The following HDAC4 variants were observed in gnomAD, a reference collection of about 807,000 sequenced individuals.
HDAC4 encodes the protein histone deacetylase A.
Under a neutral mutation model 135.1 loss-of-function variants are expected in HDAC4, and 16 were observed. The observed-to-expected ratio is 0.12, with a 90% CI of 0.08 to 0.18. The LOEUF is 0.18. Ranked by LOEUF, HDAC4 falls within the 10% of genes least tolerant of loss-of-function variation. The pLI is 1.00. For missense variants in HDAC4, 1,143 were observed against 1,511.8 expected, an observed-to-expected ratio of 0.76 and a Z score of 4.05; for synonymous variants, 685 against 653.4, an observed-to-expected ratio of 1.05 and a Z score of -0.74.
In HDAC4 at chr2:239,115,323, G is replaced by A. The variant is rs750011651; in HGVS notation, c.1534-13C>T. 2 of 1,613,034 alleles carry A rather than the reference G, an allele frequency of 1.2e-6. No homozygotes were observed. Among genetic ancestry groups the A allele is most frequent in the South Asian group, 1.1e-5 (1 of 91,064 alleles). On this transcript the variant is annotated splice_polypyrimidine_tract_variant and intron_variant, in intron 12 of 26. Transcript: ENST00000543185. The surrounding 1 kb of genome is among the most constrained non-coding windows in gnomAD (Gnocchi z 6.3). ...GCTTGGGGATGATCTGCAAGGCGGA[G>A]GTAACACATGAAGCACAGAGAGCTG... is the stretch of plus-strand genomic sequence containing the variant.
chr2:239,329,954 G>A (rs548281792), intron 2 of HDAC4, among the ~76,000 whole-genome samples: 1 of 152,256 alleles, frequency 6.6e-6, no homozygotes, highest in African/African-American at 2.4e-5. Context: ...CAGGAATGGG[G>A]GAGCAAGGAG....
intron 2 of HDAC4, among the ~76,000 whole-genome samples, chr2:239,338,970 A>G (rs1692118938): frequency 6.6e-6 from 1 of 152,252 alleles, no homozygotes; most frequent in Non-Finnish European, 1.5e-5. Flanking sequence ...CTTGAAAGGT[A>G]TCCAAAGAAA....
intron 2 of HDAC4, among the ~76,000 whole-genome samples, chr2:239,269,894 G>A (rs369976692): frequency 9.2e-5 from 14 of 152,306 alleles, no homozygotes; most frequent in South Asian, 4.1e-4. Flanking sequence ...AGGCTGGCTC[G>A]GATCTCATCC....
intron 2 of HDAC4, among the ~76,000 whole-genome samples, chr2:239,259,284 AC>A (rs1454205397): frequency 6.6e-6 from 1 of 152,144 alleles, no homozygotes; most frequent in Non-Finnish European, 1.5e-5. Flanking sequence ...CCCTGTCTCT[AC>A]CAAGAATACA....
chr2:239,271,884 A>C (rs1297454379), intron 2 of HDAC4, among the ~76,000 whole-genome samples: 1 of 152,198 alleles, frequency 6.6e-6, no homozygotes, highest in African/African-American at 2.4e-5. Flanking sequence ...CGAGTGGGGG[A>C]AAAGCCACTA....
intron 22 of HDAC4, among the ~76,000 whole-genome samples, chr2:239,080,760 C>A (rs1221155752): frequency 1.3e-5 from 2 of 152,208 alleles, no homozygotes; most frequent in Non-Finnish European, 2.9e-5. Context: ...GATCATGAGA[C>A]CCTGCAGGTC....
intron 16 of HDAC4, among the ~76,000 whole-genome samples, chr2:239,096,231 G>C (rs1008240395): frequency 5.9e-5 from 9 of 152,080 alleles, no homozygotes; most frequent in Non-Finnish European, 1.2e-4. Context: ...GTGCCTGGCT[G>C]GGAAGAGCAA....
chr2:239,259,025 T>C (rs757915080), intron 2 of HDAC4, among the ~76,000 whole-genome samples: 1 of 152,236 alleles, frequency 6.6e-6, no homozygotes, highest in Non-Finnish European at 1.5e-5. Context: ...GGCATAGCAA[T>C]ATTAACGTCA....
At chr2:239,327,052 A>T (rs1164291522) in intron 2 of HDAC4, among the ~76,000 whole-genome samples, 3 of 152,342 alleles carry the variant, frequency 2.0e-5, no homozygotes, top group Admixed American at 6.5e-5. Context: ...CTGGAAAAAA[A>T]CCCTGACTAG....
rs1382868732 is a variant in HDAC4, at chr2:239,050,921, G to A, written c.*2176C>T. The A allele has an allele frequency of 1.3e-5, 2 of 152,640 alleles. No homozygotes were observed. The highest frequency in any genetic ancestry group is 2.9e-5 in the Non-Finnish European group (2 of 68,042). 9.5% of individuals were successfully genotyped at this position (152,640 alleles called of 1,614,324 possible). Reference sequence around the variant, plus strand: ...AACAAGGGTCCCTGGGTTCCTTGCAGCCACAGGCTCCAAAATCCAGGGCTG... The same window carrying A: ...AACAAGGGTCCCTGGGTTCCTTGCAACCACAGGCTCCAAAATCCAGGGCTG... On this transcript the variant is annotated 3_prime_UTR_variant, in exon 27 of 27. Coordinates refer to ENST00000543185, the MANE Select transcript of HDAC4 (RefSeq NM_001378414.1).
At chr2:239,382,981 C>T (rs528428059) in intron 1 of HDAC4, among the ~76,000 whole-genome samples, 7 of 152,242 alleles carry the variant, frequency 4.6e-5, no homozygotes, top group African/African-American at 1.2e-4. Context: ...CCACCCACCT[C>T]GGCCTCCCAA....
chr2:239,292,033 G>GGCCCAGCTCA (rs1246041429), intron 2 of HDAC4, among the ~76,000 whole-genome samples: 196 of 151,200 alleles, frequency 1.3e-3, no homozygotes, highest in African/African-American at 4.3e-3. Context: ...GGCCCAGCTC[G>GGCCCAGCTCA]GCCCAGCTCA....
At chr2:239,159,481 CCCA>C (rs1305194064) in intron 6 of HDAC4, among the ~76,000 whole-genome samples, 1 of 148,686 alleles carries the variant, frequency 6.7e-6, no homozygotes, top group Non-Finnish European at 1.5e-5. Context: ...ACACGCACAC[CCCA>C]CCCACACCCC....
intron 24 of HDAC4, among the ~76,000 whole-genome samples, chr2:239,061,167 G>T (rs148022340): frequency 6.6e-6 from 1 of 152,190 alleles, no homozygotes; most frequent in Non-Finnish European, 1.5e-5. Context: ...AAGCATTCAT[G>T]TGTATGAATG....
At chr2:239,149,042 G>A (rs756364452) in intron 7 of HDAC4, among the ~76,000 whole-genome samples, 2 of 152,198 alleles carry the variant, frequency 1.3e-5, no homozygotes, top group Non-Finnish European at 1.5e-5. Flanking sequence ...AGGGACGGCC[G>A]TTCTCCTATC....
At chr2:239,257,265 A>C (rs972154852) in intron 2 of HDAC4, among the ~76,000 whole-genome samples, 2 of 152,178 alleles carry the variant, frequency 1.3e-5, no homozygotes, top group African/African-American at 4.8e-5. Context: ...AAAAGGTGAA[A>C]TAGGCCATGT....
chr2:239,353,060 G>C, intron 1 of HDAC4, 142 bp from the exon 2 acceptor site: 1 of 316,490 alleles, frequency 3.2e-6, no homozygotes, highest in South Asian at 3.1e-5. Context: ...CTGGAGTGTG[G>C]TGGCACGATC....
intron 2 of HDAC4, among the ~76,000 whole-genome samples, chr2:239,271,542 A>G (rs1429166840): frequency 6.6e-6 from 1 of 152,186 alleles, no homozygotes; most frequent in Non-Finnish European, 1.5e-5. Context: ...TGTGTTTAGG[A>G]CTATGAGAGC....
chr2:239,130,746 C>T (rs560282586), intron 11 of HDAC4, among the ~76,000 whole-genome samples: 1 of 152,300 alleles, frequency 6.6e-6, no homozygotes, highest in Admixed American at 6.5e-5. Flanking sequence ...CCCTGGTCTC[C>T]AGCCTTCTCC....
Sources: gnomAD v4.1 joint callset for allele counts (sites outside exome capture counted in the v4.1 genomes callset) on GRCh38, gnomAD v4.1.1 for gene constraint, Gnocchi (gnomAD v3.1) non-coding constraint, MANE v1.5 for transcripts, NCBI Gene and HGNC (gene_info 2026-07-23, HGNC 2026-07-21) for gene names.